The following PRKAR2B variants were observed in gnomAD, a reference collection of about 807,000 sequenced individuals.
The protein encoded by PRKAR2B is protein kinase cAMP-dependent type II regulatory subunit beta.
Under a neutral mutation model 49.9 loss-of-function variants are expected in PRKAR2B, and 14 were observed. The ratio of observed to expected loss-of-function variants is 0.28; its 90% CI spans 0.19 to 0.44. PRKAR2B has a LOEUF of 0.44. PRKAR2B is among the 20% of genes least tolerant of loss of function. The pLI is 1.00. For synonymous variants in PRKAR2B, 196 were observed against 197.7 expected (o/e 0.99, Z 0.07); for missense variants, 393 against 537.9 (o/e 0.73, Z 2.67).
chr7:107,097,973 T>G (rs1794878950), intron 2 of PRKAR2B, among the ~76,000 whole-genome samples: 1 of 152,226 alleles, frequency 6.6e-6, no homozygotes, highest in African/African-American at 2.4e-5. Flanking sequence ...TTGGTGAATC[T>G]GACAGTTATG....
At chr7:107,122,402 T>A (rs10272371) in intron 3 of PRKAR2B, among the ~76,000 whole-genome samples, 18,225 of 152,208 alleles carry the variant, frequency 0.12, 1,292 homozygotes, top group African/African-American at 0.19. Context: ...AGTGTGTCAG[T>A]ACAGCAGTTA....
rs756939272 is a variant in PRKAR2B, at chr7:107,159,579, A to G, written c.1254A>G (p.Ala418=). 3 of 1,614,062 alleles carry G rather than the reference A, an allele frequency of 1.9e-6. No homozygotes were observed. The highest frequency in any genetic ancestry group is 2.5e-6 in the Non-Finnish European group (3 of 1,179,918). The part of the protein sequence containing the change: ...GTNMDIVEPT[A] ...ACATGGATATTGTTGAACCCACTGC[A>G]TGAAGCAAAAGTATGGAGCAAGACC... The change falls in exon 11 of 11, where the codon GCA becomes GCG. Residue 418 remains alanine, a synonymous_variant. Transcript: ENST00000265717.
chr7:107,082,265 T>C (rs1488856822), intron 2 of PRKAR2B, among the ~76,000 whole-genome samples: 1 of 152,214 alleles, frequency 6.6e-6, no homozygotes, highest in Admixed American at 6.5e-5. Flanking sequence ...CTGAATTCTG[T>C]ACCATAAAAA....
intron 2 of PRKAR2B, among the ~76,000 whole-genome samples, chr7:107,097,454 C>T (rs1299868495): frequency 1.3e-5 from 2 of 152,210 alleles, no homozygotes; most frequent in East Asian, 1.9e-4. Flanking sequence ...AATCTTGACT[C>T]TTTATCCACT....
chr7:107,065,071 A>G (rs1317111335), intron 1 of PRKAR2B, among the ~76,000 whole-genome samples: 2 of 152,226 alleles, frequency 1.3e-5, no homozygotes, highest in East Asian at 3.8e-4. Context: ...ATTATCTTAC[A>G]TGGTTTCAAT....
At chr7:107,068,485 C>T (rs964948457) in intron 1 of PRKAR2B, 2 of 152,102 alleles carry the variant, frequency 1.3e-5, no homozygotes. Flanking sequence ...GGTTTGAAAA[C>T]TGATGGGCCT....
At chr7:107,142,696 G>T (rs1047873269) in intron 5 of PRKAR2B, among the ~76,000 whole-genome samples, 1 of 152,014 alleles carries the variant, frequency 6.6e-6, no homozygotes, top group African/African-American at 2.4e-5. Flanking sequence ...CTTTCTGGAG[G>T]TTCTTGCCTG....
At chr7:107,134,971 A>G (rs1795669356) in intron 4 of PRKAR2B, among the ~76,000 whole-genome samples, 1 of 152,200 alleles carries the variant, frequency 6.6e-6, no homozygotes, top group African/African-American at 2.4e-5. Context: ...AAGAAAAAAG[A>G]TAAATAGGAC....
intron 8 of PRKAR2B, among the ~76,000 whole-genome samples, chr7:107,155,571 C>A (rs550143500): frequency 6.6e-6 from 1 of 152,074 alleles, no homozygotes; most frequent in East Asian, 1.9e-4. Context: ...TTCTGACTGG[C>A]GTGAGATGGT....
chr7:107,082,689 G>A (rs1452845347), intron 2 of PRKAR2B, among the ~76,000 whole-genome samples: 1 of 152,082 alleles, frequency 6.6e-6, no homozygotes, highest in Non-Finnish European at 1.5e-5. Flanking sequence ...TGCCTCCCAG[G>A]CTCGAGTGAT....
intron 1 of PRKAR2B, among the ~76,000 whole-genome samples, chr7:107,055,999 G>A (rs556207611): frequency 6.6e-6 from 1 of 152,276 alleles, no homozygotes; most frequent in African/African-American, 2.4e-5. Context: ...TGTATAAGGT[G>A]TAAGGAAGGG....
At chr7:107,128,410 T>TCA in intron 4 of PRKAR2B, 115 bp downstream of exon 4, 2 of 679,680 alleles carry the variant, frequency 2.9e-6, no homozygotes, top group Non-Finnish European at 5.0e-6. Context: ...CCTGGGGTGA[T>TCA]GGTAAAGGCC....
In PRKAR2B at chr7:107,070,300, C is replaced by A; in HGVS notation, c.327C>A (p.Phe109Leu). The A allele has an allele frequency of 1.2e-6, 2 of 1,606,886 alleles. No homozygotes were observed. The highest frequency in any genetic ancestry group is 2.2e-5 in the South Asian group (2 of 90,560). ...TTTTAGCTCCAGTAATAAACCGATT[C>A]ACAAGGCGTGCCTCAGGTAAGTCTG... is the stretch of plus-strand genomic sequence containing the variant. ...GAFNAPVINR[F>L]TRRASVCAEA... is the part of the protein sequence containing the mutation. The change falls in exon 2 of 11, where the codon TTC becomes TTA. Residue 109 changes from phenylalanine (F) to leucine (L), a missense_variant. By Grantham distance (22) the Phe-to-Leu change is conservative. Transcript: ENST00000265717.
chr7:107,103,005 A>C (rs1795003099), intron 2 of PRKAR2B, among the ~76,000 whole-genome samples: 1 of 152,174 alleles, frequency 6.6e-6, no homozygotes, highest in African/African-American at 2.4e-5. Flanking sequence ...ATTACTGCAT[A>C]GCTCCCTTAA....
At chr7:107,147,565 A>G (rs1795916168) in intron 6 of PRKAR2B, among the ~76,000 whole-genome samples, 1 of 152,216 alleles carries the variant, frequency 6.6e-6, no homozygotes, top group Non-Finnish European at 1.5e-5. Flanking sequence ...CTTACAAATC[A>G]CCTGGGAATC....
At chr7:107,053,200 A>T (rs777913116) in intron 1 of PRKAR2B, among the ~76,000 whole-genome samples, 39 of 152,316 alleles carry the variant, frequency 2.6e-4, no homozygotes, top group Non-Finnish European at 5.1e-4. Context: ...TTATTTTATT[A>T]TATACCTTTA....
intron 2 of PRKAR2B, among the ~76,000 whole-genome samples, chr7:107,121,596 A>G (rs1057382738): frequency 6.6e-6 from 1 of 152,144 alleles, no homozygotes; most frequent in East Asian, 1.9e-4. Flanking sequence ...TCACAACTAT[A>G]TGATTAAATT....
intron 4 of PRKAR2B, among the ~76,000 whole-genome samples, chr7:107,130,614 C>A (rs1387578612): frequency 2.0e-5 from 3 of 152,140 alleles, no homozygotes; most frequent in Non-Finnish European, 4.4e-5. Context: ...CTGATAGATC[C>A]TTGTCCATTC....
intron 4 of PRKAR2B, among the ~76,000 whole-genome samples, chr7:107,130,054 C>T (rs1723015049): frequency 6.6e-6 from 1 of 152,186 alleles, no homozygotes; most frequent in African/African-American, 2.4e-5. Flanking sequence ...TTATTTTACC[C>T]AGCTCCTATT....
Sources: gnomAD v4.1 joint callset for allele counts (sites outside exome capture counted in the v4.1 genomes callset) on GRCh38, gnomAD v4.1.1 for gene constraint, MANE v1.5 for transcripts, NCBI Gene and HGNC (gene_info 2026-07-23, HGNC 2026-07-21) for gene names.